The following MARCHF1 variants were observed in gnomAD, a reference collection of about 807,000 sequenced individuals.
MARCHF1 encodes membrane associated ring-CH-type finger 1.
A neutral mutation model predicts 54.2 loss-of-function variants in MARCHF1; 40 were observed. The ratio of observed to expected loss-of-function variants is 0.74; its 90% CI spans 0.57 to 0.96. The LOEUF (loss-of-function observed/expected upper bound fraction) is 0.96. MARCHF1 is among the 40% of genes least tolerant of loss of function. The pLI is 0.00. For missense variants in MARCHF1, 586 were observed against 656.5 expected (o/e 0.89, Z 1.17); for synonymous variants, 236 against 236.3 (o/e 1.00, Z 0.01).
At chr4:163,771,738 C>T (rs1421233002) in intron 4 of MARCHF1, among the ~76,000 whole-genome samples, 1 of 152,008 alleles carries the variant, frequency 6.6e-6, no homozygotes, top group Non-Finnish European at 1.5e-5. Flanking sequence ...TTTCTGAGCA[C>T]TGCTCCAGCA....
In MARCHF1 at chr4:164,378,184, A is replaced by G. The variant is rs114625708; in HGVS notation, c.-323+5686T>C. ...TTCCCCGGGATGAAGAGTGGGGGCA[A>G]TTGCCAATCTGGAAAGACAGTGAGA... On this transcript the variant is annotated intron_variant, in intron 1 of 9. Coordinates refer to ENST00000514618, the MANE Select transcript of MARCHF1 (RefSeq NM_001394959.1). Among the ~76,000 whole-genome samples the G allele has an allele frequency of 3.5e-3, 532 of 152,304 alleles. 4 individuals are homozygous for G. Among genetic ancestry groups the G allele is most frequent in the African/African-American group, 0.012 (510 of 41,562 alleles).
intron 1 of MARCHF1, among the ~76,000 whole-genome samples, chr4:164,349,562 G>C (rs574602041): frequency 1.3e-5 from 2 of 152,070 alleles, no homozygotes; most frequent in South Asian, 2.1e-4. Flanking sequence ...CAATATTATA[G>C]TTTTCATGTC....
chr4:164,062,069 GT>G (rs1754629011), intron 2 of MARCHF1, among the ~76,000 whole-genome samples: 1 of 152,180 alleles, frequency 6.6e-6, no homozygotes, highest in South Asian at 2.1e-4. Context: ...TATCAACTAA[GT>G]TTTTGTAACA....
At chr4:163,932,803 T>C (rs34113657) in intron 3 of MARCHF1, 470,264 of 609,548 alleles carry the variant, frequency 0.77, 182,493 homozygotes, top group East Asian at 0.94. Context: ...ATCGGCACCA[T>C]GGTCCTGGAA....
At chr4:164,261,828 A>C (rs182162621) in intron 1 of MARCHF1, among the ~76,000 whole-genome samples, 1 of 151,884 alleles carries the variant, frequency 6.6e-6, no homozygotes, top group Admixed American at 6.6e-5. Flanking sequence ...TTTGATGACT[A>C]CTCCCTTCCA....
At chr4:164,207,999 C>G (rs1303559350) in intron 1 of MARCHF1, among the ~76,000 whole-genome samples, 3 of 152,116 alleles carry the variant, frequency 2.0e-5, no homozygotes, top group Non-Finnish European at 4.4e-5. Flanking sequence ...CAAAAAACCT[C>G]ACTGAATGAG....
intron 4 of MARCHF1, among the ~76,000 whole-genome samples, chr4:163,760,617 C>A (rs1329744755): frequency 1.3e-5 from 2 of 152,138 alleles, no homozygotes; most frequent in Non-Finnish European, 2.9e-5. Flanking sequence ...CTAAGGGATG[C>A]AGAACTGGAG....
At chr4:164,118,941 T>G (rs1755998167) in intron 1 of MARCHF1, among the ~76,000 whole-genome samples, 1 of 72,822 alleles carries the variant, frequency 1.4e-5, no homozygotes, top group South Asian at 4.8e-4. Flanking sequence ...GAGAATAAAT[T>G]GAATGAAAAA....
chr4:164,158,892 T>A (rs938903938), intron 1 of MARCHF1, among the ~76,000 whole-genome samples: 9 of 152,180 alleles, frequency 5.9e-5, no homozygotes, highest in Admixed American at 2.0e-4. Context: ...TGAACATGTC[T>A]ACTTCGAGAA....
chr4:163,569,892 A>T (rs1002382342), intron 8 of MARCHF1, among the ~76,000 whole-genome samples: 1 of 152,206 alleles, frequency 6.6e-6, no homozygotes, highest in African/African-American at 2.4e-5. Context: ...GAACGCCTGG[A>T]GCAATTAGTA....
intron 1 of MARCHF1, chr4:164,197,708 C>G (rs1731320462): frequency 6.2e-7 from 1 of 1,611,768 alleles, no homozygotes; most frequent in Non-Finnish European, 8.5e-7. Flanking sequence ...CTGCCCATCT[C>G]CATCTCTCGC....
chr4:163,796,959 A>C (rs1369202224), intron 4 of MARCHF1, among the ~76,000 whole-genome samples: 1 of 152,074 alleles, frequency 6.6e-6, no homozygotes, highest in Non-Finnish European at 1.5e-5. Flanking sequence ...ATAAGTATTG[A>C]TATCATTATT....
chr4:164,020,408 T>A (rs1033136274), intron 2 of MARCHF1, among the ~76,000 whole-genome samples: 1 of 152,178 alleles, frequency 6.6e-6, no homozygotes, highest in Non-Finnish European at 1.5e-5. Context: ...CAGAAATATA[T>A]CCAAATCAAG....
rs1255196571 is a variant in MARCHF1 at position 164,054,808 on chromosome 4, T to C, written c.-248+56780A>G. ...TGGGGGGAGGGGGGAGGGATAGCAT[T>C]GGGAGATATACCTAATGCTAGATGA... is the stretch of plus-strand genomic sequence containing the variant. On this transcript the variant is annotated intron_variant, in intron 2 of 9. Transcript: ENST00000514618. 4.2e-5 allele frequency among the ~76,000 whole-genome samples: 6 copies of C among 143,472 alleles called. No individual in the cohort carries two copies. The South Asian group carries it at 9.9e-4, about 24-fold the overall frequency. The allele number at this position is 143,472 out of a possible 152,430, so 94.1% of individuals were successfully genotyped here. A position where few individuals can be genotyped will look rare whatever the true frequency, so the allele number is the denominator to read the frequency against.
At chr4:163,689,665 TC>T (rs1181098043) in intron 5 of MARCHF1, among the ~76,000 whole-genome samples, 1 of 151,786 alleles carries the variant, frequency 6.6e-6, no homozygotes, top group Non-Finnish European at 1.5e-5. Flanking sequence ...TTTTTTTTTT[TC>T]CCAGGCATCT....
chr4:163,750,394 C>T (rs1746485875), intron 4 of MARCHF1, among the ~76,000 whole-genome samples: 1 of 151,632 alleles, frequency 6.6e-6, no homozygotes, highest in Non-Finnish European at 1.5e-5. Context: ...AGCTGTAGTC[C>T]CAGCTACTCA....
At chr4:163,913,733 C>T (rs1000835196) in intron 3 of MARCHF1, among the ~76,000 whole-genome samples, 9 of 152,174 alleles carry the variant, frequency 5.9e-5, no homozygotes, top group Admixed American at 5.2e-4. Flanking sequence ...AACCCCAATC[C>T]TACTGCTTTC....
chr4:164,285,443 ATTTAT>A (rs1734118243), intron 1 of MARCHF1, among the ~76,000 whole-genome samples: 1 of 151,236 alleles, frequency 6.6e-6, no homozygotes, highest in African/African-American at 2.4e-5. Context: ...AATTTAATTA[ATTTAT>A]TTATTTATTT....
intron 2 of MARCHF1, among the ~76,000 whole-genome samples, chr4:164,035,930 T>TAA (rs35474146): frequency 8.6e-6 from 1 of 116,632 alleles, no homozygotes. Context: ...AAACTAAAAC[T>TAA]AAAAAAAAAA....
Sources: allele counts gnomAD v4.1 joint callset (sites outside exome capture counted in the v4.1 genomes callset), GRCh38; gene constraint gnomAD v4.1.1; transcripts MANE v1.5; gene names NCBI Gene and HGNC (gene_info 2026-07-23, HGNC 2026-07-21).